The following CERT1 variants were observed in gnomAD, a reference collection of about 807,000 sequenced individuals.
CERT1 encodes the protein ceramide transfer protein.
A neutral mutation model predicts 87.9 loss-of-function variants in CERT1; 31 were observed. That is an observed-to-expected ratio of 0.35 (90% CI 0.27 to 0.48). The LOEUF (loss-of-function observed/expected upper bound fraction) is 0.48, where lower values mean the gene tolerates loss of function less well. CERT1 is among the 20% of genes least tolerant of loss of function. The probability of loss-of-function intolerance (pLI) is 0.99; values close to 1 mark genes in which losing one functional copy is unlikely to be tolerated. For missense variants in CERT1, 487 were observed against 758.0 expected (o/e 0.64, Z 4.20); for synonymous variants, 289 against 250.9 (o/e 1.15, Z -1.44).
In CERT1 at chr5:75,437,191, A is replaced by C. The variant is rs188137678; in HGVS notation, c.349-10713T>G. On this transcript the variant is annotated intron_variant, in intron 3 of 16. Transcript: ENST00000643780. ...ACTGATTTTTTAAAATGATCTTAAA[A>C]CAAAATATAAACATTAAACACTTTA... is the stretch of plus-strand genomic sequence containing the variant. Among the ~76,000 whole-genome samples the C allele has an allele frequency of 3.1e-3, 475 of 152,324 alleles. 4 individuals carry two copies. Among genetic ancestry groups the C allele is most frequent in the Non-Finnish European group, 5.7e-3 (387 of 68,022 alleles).
intron 2 of CERT1, among the ~76,000 whole-genome samples, chr5:75,501,378 A>G (rs1055821368): frequency 1.4e-4 from 22 of 152,326 alleles, no homozygotes; most frequent in East Asian, 9.6e-4. Flanking sequence ...CCAACCTATG[A>G]TAAGAATAAT....
At chr5:75,460,473 G>T (rs1765178656) in intron 2 of CERT1, among the ~76,000 whole-genome samples, 1 of 152,114 alleles carries the variant, frequency 6.6e-6, no homozygotes, top group Non-Finnish European at 1.5e-5. Context: ...CAGTGCTCTT[G>T]ACTCAAGAAT....
chr5:75,470,605 GAAATGTACCTC>G (rs1765664680), intron 2 of CERT1, among the ~76,000 whole-genome samples: 1 of 152,014 alleles, frequency 6.6e-6, no homozygotes, highest in Non-Finnish European at 1.5e-5. Flanking sequence ...AGTTATAGAA[GAAATGTACCTC>G]AACACACTAA....
intron 2 of CERT1, among the ~76,000 whole-genome samples, chr5:75,464,355 T>C (rs997901901): frequency 1.4e-4 from 18 of 130,830 alleles, no homozygotes; most frequent in Non-Finnish European, 6.3e-5. Context: ...ACTACTCACC[T>C]ACCGCATAGT....
At chr5:75,423,895 A>C (rs896510410) in intron 5 of CERT1, among the ~76,000 whole-genome samples, 10 of 152,326 alleles carry the variant, frequency 6.6e-5, no homozygotes, top group Admixed American at 5.2e-4. Context: ...CATCCAAAGA[A>C]GGCAGAAAAA....
chr5:75,384,764 T>C (rs1219618467), intron 13 of CERT1, 52 bp from the exon 14 acceptor site: 3 of 1,171,714 alleles, frequency 2.6e-6, no homozygotes, highest in Non-Finnish European at 2.5e-6. Context: ...TAGAATGTGA[T>C]CAATTCACTT....
chr5:75,374,813 G>T, downstream of CERT1: 1 of 533,774 alleles, frequency 1.9e-6, no homozygotes, highest in South Asian at 1.4e-5. Context: ...CATGTAAGGA[G>T]CTGAGTCCTT....
At chr5:75,463,291 T>C (rs943195571) in intron 2 of CERT1, among the ~76,000 whole-genome samples, 1 of 152,152 alleles carries the variant, frequency 6.6e-6, no homozygotes, top group Non-Finnish European at 1.5e-5. Flanking sequence ...TACCCCACAA[T>C]TAAATACTAA....
intron 3 of CERT1, among the ~76,000 whole-genome samples, chr5:75,449,704 G>A (rs1273838846): frequency 6.6e-6 from 1 of 150,752 alleles, no homozygotes; most frequent in Non-Finnish European, 1.5e-5. Context: ...ACTTGGTGGT[G>A]GTGTTTTTTT....
At chr5:75,382,967 TA>T (rs1393265225) in intron 14 of CERT1, among the ~76,000 whole-genome samples, 1 of 152,054 alleles carries the variant, frequency 6.6e-6, no homozygotes, top group Non-Finnish European at 1.5e-5. Flanking sequence ...GAGAATGACT[TA>T]AATATCAAGA....
chr5:75,447,432 C>CT (rs1412268138), intron 3 of CERT1, among the ~76,000 whole-genome samples: 4 of 142,292 alleles, frequency 2.8e-5, no homozygotes, highest in South Asian at 2.3e-4. Flanking sequence ...TATTTTCTTC[C>CT]TTTTTTAAAA....
chr5:75,474,845 T>C (rs1765888466), intron 2 of CERT1, among the ~76,000 whole-genome samples: 1 of 55,342 alleles, frequency 1.8e-5, no homozygotes, highest in South Asian at 6.7e-4. Flanking sequence ...TGTAGTCTAT[T>C]AGACTATATG....
chr5:75,396,391 C>T (rs970750446), intron 11 of CERT1, among the ~76,000 whole-genome samples: 2 of 152,098 alleles, frequency 1.3e-5, no homozygotes, highest in African/African-American at 4.8e-5. Context: ...GGTTACCTCC[C>T]ATATCAAGCG....
rs70979324 is a variant in CERT1, at chr5:75,430,988, C to CT, written c.349-4511dup. Among the ~76,000 whole-genome samples the CT allele has an allele frequency of 7.3e-3, 1,117 of 152,280 alleles. 13 individuals carry two copies. The highest frequency in any genetic ancestry group is 0.05 in the East Asian group (259 of 5,166). ...TCCAGAAGTTCGAGATAGCACTGAG[C>CT]TAGGATTGTGCCACTGTACTCCAGT... is the stretch of plus-strand genomic sequence containing the variant. On this transcript the variant is annotated intron_variant, in intron 3 of 16. Coordinates refer to ENST00000643780, the MANE Select transcript of CERT1 (RefSeq NM_001379029.1).
rs189542457 is a variant in CERT1 at position 75,443,232 on chromosome 5, T to G, written c.348+15833A>C. Among the ~76,000 whole-genome samples, 528 of 152,262 alleles carry G rather than the reference T, an allele frequency of 3.5e-3. 2 individuals are homozygous for G. The highest frequency in any genetic ancestry group is 5.3e-3 in the Non-Finnish European group (358 of 68,006). On this transcript the variant is annotated intron_variant, in intron 3 of 16. Coordinates refer to ENST00000643780, the MANE Select transcript of CERT1 (RefSeq NM_001379029.1). ...GTTTTGTTGATTTCAGCTCACATCT[T>G]TATTATTTCCTTCCTTTTGCTAGCT...
chr5:75,485,383 G>A (rs1211209358), intron 2 of CERT1, among the ~76,000 whole-genome samples: 1 of 145,108 alleles, frequency 6.9e-6, no homozygotes, highest in Non-Finnish European at 1.5e-5. Context: ...AGTGAAAGTA[G>A]TACTAAGAGG....
intron 2 of CERT1, among the ~76,000 whole-genome samples, chr5:75,467,959 A>T (rs971809196): frequency 6.6e-6 from 1 of 152,254 alleles, no homozygotes; most frequent in Non-Finnish European, 1.5e-5. Context: ...TCTAAATTTT[A>T]CAAGTTTTTG....
intron 15 of CERT1, 38 bp from the exon 16 acceptor site, chr5:75,381,239 G>A (rs1761572313): frequency 6.2e-7 from 1 of 1,611,040 alleles, no homozygotes; most frequent in East Asian, 2.2e-5. Context: ...TAGATACCCA[G>A]TATTTTGTAA....
At chr5:75,509,778 T>C (rs1040121872) in intron 1 of CERT1, among the ~76,000 whole-genome samples, 2 of 152,162 alleles carry the variant, frequency 1.3e-5, no homozygotes, top group African/African-American at 4.8e-5. Flanking sequence ...AGTAACCCAC[T>C]TCCTATTACC....
Sources: allele counts gnomAD v4.1 joint callset (sites outside exome capture counted in the v4.1 genomes callset), GRCh38; gene constraint gnomAD v4.1.1; transcripts MANE v1.5; gene names NCBI Gene and HGNC (gene_info 2026-07-23, HGNC 2026-07-21).